The following DAB2IP variants were observed in gnomAD, a reference collection of about 807,000 sequenced individuals.
DAB2IP encodes disabled homolog 2-interacting protein.
DAB2IP carries 28 observed loss-of-function variants against 107.2 expected under a neutral mutation model. The observed-to-expected ratio is 0.26, with a 90% CI of 0.19 to 0.36. The LOEUF (loss-of-function observed/expected upper bound fraction) is 0.36, where lower values mean the gene tolerates loss of function less well. Among genes scored for constraint, DAB2IP ranks in the 10% least tolerant of loss-of-function variants. The probability of loss-of-function intolerance (pLI) is 1.00; values close to 1 mark genes in which losing one functional copy is unlikely to be tolerated. For missense variants in DAB2IP, 1,400 were observed against 1,644.7 expected, an observed-to-expected ratio of 0.85 and a Z score of 2.57; for synonymous variants, 755 against 706.4, an observed-to-expected ratio of 1.07 and a Z score of -1.09.
chr9:121,699,017 C>T lies in DAB2IP; in HGVS notation c.229-308C>T, dbSNP rs1230650927. Among the ~76,000 whole-genome samples the T allele has an allele frequency of 6.0e-5, 9 of 151,140 alleles. No homozygotes were observed. The East Asian group carries it at 1.6e-3, about 26-fold the overall frequency. ...CGGTACTCCCCCTCGCCCCGGCGCC[C>T]GGGGGGCTCGGGCAGCCTCGGCCGC... On this transcript the variant is annotated intron_variant, in intron 2 of 15. Transcript: ENST00000408936. This position sits in a 1 kb window ranked among gnomAD's most constrained non-coding sequence, Gnocchi z 6.2.
At position 121,781,570 on chromosome 9, in the gene DAB2IP, T is replaced by C; in HGVS notation, c.3402+19T>C. 3 of 1,611,872 alleles carry C rather than the reference T, an allele frequency of 1.9e-6. No homozygotes were observed. Among genetic ancestry groups the C allele is most frequent in the Non-Finnish European group, 2.5e-6 (3 of 1,179,778 alleles). ...TGCCCAGGTGGGGGCTCCGGCCCTT[T>C]GGTCAGCCACAAGAGTTAAAGGGCC... is the stretch of plus-strand genomic sequence containing the variant. On this transcript the variant is annotated intron_variant, in intron 15 of 15. Transcript: ENST00000408936.
intron 1 of DAB2IP, among the ~76,000 whole-genome samples, chr9:121,674,717 C>G (rs1589494226): frequency 6.6e-6 from 1 of 152,080 alleles, no homozygotes; most frequent in South Asian, 2.1e-4. Context: ...CTGGCCCAGA[C>G]CCAGGAGGCA....
At position 121,587,889 on chromosome 9, in the gene DAB2IP, TA is replaced by T. The variant is rs1024754938; in HGVS notation, c.40+20669del. On this transcript the variant is annotated intron_variant, in intron 1 of 16. Transcript: ENST00000259371. The stretch of plus-strand genomic sequence containing the variant: ...AATATTGCATAGGATATACTTACAC[TA>T]AAAAAAATTCATTGTTTATATACAA... Among the ~76,000 whole-genome samples the T allele has an allele frequency of 5.2e-4, 79 of 152,140 alleles. No homozygotes were observed. The East Asian group carries it at 7.2e-3, about 14-fold the overall frequency.
Position 121,684,676 on chromosome 9 carries a change from C to T in DAB2IP, c.228+5895C>T, listed in dbSNP as rs989680761. Among the ~76,000 whole-genome samples the T allele has an allele frequency of 2.8e-4, 43 of 152,224 alleles. No homozygotes were observed. Among genetic ancestry groups the T allele is most frequent in the Non-Finnish European group, 5.1e-4 (35 of 68,030 alleles). On this transcript the variant is annotated intron_variant, in intron 2 of 15. Coordinates refer to ENST00000408936, the Ensembl canonical transcript of DAB2IP. The surrounding 1 kb of genome is among the most constrained non-coding windows in gnomAD (Gnocchi z 4.0). ...TCTCTGCTCCCTGCAGAGCCGGCCC[C>T]GCTGCCCCCCATTTGTGCCCCTTCC...
At chr9:121,570,107 C>CTT (rs60818537) in intron 1 of DAB2IP, among the ~76,000 whole-genome samples, 120 of 101,480 alleles carry the variant, frequency 1.2e-3, no homozygotes, top group East Asian at 2.0e-3. Context: ...TTCTCTTTCT[C>CTT]TTTTTTTTTT....
chr9:121,715,974 C>G (rs962733669), intron 3 of DAB2IP, among the ~76,000 whole-genome samples: 1 of 152,198 alleles, frequency 6.6e-6, no homozygotes, highest in Admixed American at 6.5e-5. Context: ...AGGCATCCCA[C>G]TTTGTCTTGG....
chr9:121,755,956 C>CAT (rs1833449706), intron 3 of DAB2IP, among the ~76,000 whole-genome samples: 1 of 152,072 alleles, frequency 6.6e-6, no homozygotes, highest in South Asian at 2.1e-4. Flanking sequence ...AGCCAAAGGG[C>CAT]ATAGGGCGTT....
chr9:121,749,488 A>C (rs1269348086), intron 3 of DAB2IP, among the ~76,000 whole-genome samples: 1 of 152,190 alleles, frequency 6.6e-6, no homozygotes, highest in Non-Finnish European at 1.5e-5. Flanking sequence ...TTGGGTGGGC[A>C]CCAACTCTGT....
intron 1 of DAB2IP, among the ~76,000 whole-genome samples, chr9:121,677,145 C>T (rs1055202423): frequency 1.3e-5 from 2 of 152,168 alleles, no homozygotes; most frequent in Non-Finnish European, 2.9e-5. Context: ...TTCTGGATTT[C>T]CTGCTGGCCT....
chr9:121,579,271 T>C (rs1462038328), intron 1 of DAB2IP, among the ~76,000 whole-genome samples: 1 of 152,126 alleles, frequency 6.6e-6, no homozygotes, highest in Admixed American at 6.5e-5. Context: ...CCTCAGTTGA[T>C]CTTGGCTGTA....
At chr9:121,770,829 A>C in intron 11 of DAB2IP, 105 bp downstream of exon 11, 2 of 1,441,350 alleles carry the variant, frequency 1.4e-6, no homozygotes, top group South Asian at 2.8e-5. Context: ...TAGTGTTTAT[A>C]AAACAAGCCT....
chr9:121,592,751 C>T (rs188003111), intron 1 of DAB2IP, among the ~76,000 whole-genome samples: 14 of 152,292 alleles, frequency 9.2e-5, no homozygotes, highest in African/African-American at 2.9e-4. Context: ...ATAGTGCAGA[C>T]GATGCCTTTG....
In DAB2IP at chr9:121,699,594, CT is replaced by C; in HGVS notation, c.362+138del. 1.3e-6 allele frequency: 1 copy of C among 776,400 alleles called. No individual in the cohort carries two copies. The highest frequency in any genetic ancestry group is 1.7e-6 in the Non-Finnish European group (1 of 605,002). The allele number at this position is 776,400 out of a possible 1,614,324, so 48.1% of individuals were successfully genotyped here. A position where few individuals can be genotyped will look rare whatever the true frequency, so the allele number is the denominator to read the frequency against. On this transcript the variant is annotated intron_variant, in intron 3 of 15. Coordinates refer to ENST00000408936, the Ensembl canonical transcript of DAB2IP. This position sits in a 1 kb window ranked among gnomAD's most constrained non-coding sequence, Gnocchi z 6.2. ...GGGACCCCACGCCGCCCGCCGGGAA[CT>C]TATGGGGCCACCTCGGCCGGACTAG... is the stretch of plus-strand genomic sequence containing the variant.
chr9:121,774,361 C>T, exon 13 of DAB2IP: 1 of 1,612,842 alleles, frequency 6.2e-7, no homozygotes, highest in Non-Finnish European at 8.5e-7. Context: ...GCCCAGACCC[C>T]CCCCACAGGG....
chr9:121,724,755 G>A (rs1340912774), intron 3 of DAB2IP, among the ~76,000 whole-genome samples: 2 of 152,164 alleles, frequency 1.3e-5, no homozygotes, highest in African/African-American at 2.4e-5. Context: ...CAGCTGCAGC[G>A]GGACAGAACC....
In DAB2IP at chr9:121,611,098, C is replaced by G. The variant is rs188569504; in HGVS notation, c.40+43870C>G. ...TCAAGCAATTCTCCTGCCTGAGCCCCCTGAGTAGCTGGGATTACAGGTGCC... is the reference window on the plus strand; with the variant it reads ...TCAAGCAATTCTCCTGCCTGAGCCCGCTGAGTAGCTGGGATTACAGGTGCC... On this transcript the variant is annotated intron_variant, in intron 1 of 16. Coordinates refer to the DAB2IP transcript ENST00000259371. 2.6e-5 allele frequency among the ~76,000 whole-genome samples: 4 copies of G among 152,234 alleles called. No individual in the cohort carries two copies. The East Asian group carries it at 7.7e-4, about 29-fold the overall frequency.
At chr9:121,687,625 G>A (rs1828947748) in intron 2 of DAB2IP, among the ~76,000 whole-genome samples, 1 of 152,154 alleles carries the variant, frequency 6.6e-6, no homozygotes, top group Non-Finnish European at 1.5e-5. Context: ...TGTACGATGG[G>A]GGATTTTGAA....
chr9:121,651,202 G>A (rs1470506540), upstream of DAB2IP, among the ~76,000 whole-genome samples: 1 of 152,224 alleles, frequency 6.6e-6, no homozygotes. The surrounding 1 kb of genome is among the most constrained non-coding windows in gnomAD (Gnocchi z 5.1). Flanking sequence ...GCATCACAGG[G>A]GAGTCTTTCA....
At chr9:121,659,173 A>G (rs541272106) in intron 1 of DAB2IP, among the ~76,000 whole-genome samples, 7 of 152,326 alleles carry the variant, frequency 4.6e-5, no homozygotes, top group East Asian at 1.9e-4. Context: ...GTGGGGCCCA[A>G]GGGTGCTGGG....
Sources: gnomAD v4.1 joint callset for allele counts (sites outside exome capture counted in the v4.1 genomes callset) on GRCh38, gnomAD v4.1.1 for gene constraint, Gnocchi (gnomAD v3.1) non-coding constraint, MANE v1.5 for transcripts, NCBI Gene and HGNC (gene_info 2026-07-23, HGNC 2026-07-21) for gene names.